Variants in RBFOX1 observed in about 807,000 individuals in gnomAD.
RBFOX1 encodes the protein RNA binding fox-1 homolog 1.
RBFOX1 carries 8 observed loss-of-function variants against 57.7 expected under a neutral mutation model. The ratio of observed to expected loss-of-function variants is 0.14; its 90% CI spans 0.08 to 0.25. The LOEUF is 0.25. RBFOX1 is among the 10% of genes least tolerant of loss of function. RBFOX1 has a pLI of 1.00. For missense variants in RBFOX1, 611 were observed against 548.5 expected, an observed-to-expected ratio of 1.11 and a Z score of -1.14; for synonymous variants, 326 against 222.4, an observed-to-expected ratio of 1.47 and a Z score of -4.15.
chr16:6,332,968 TCTTA>T (rs2083220078), intron 2 of RBFOX1, among the ~76,000 whole-genome samples: 1 of 152,226 alleles, frequency 6.6e-6, no homozygotes, highest in Non-Finnish European at 1.5e-5. Context: ...TTATTTAATA[TCTTA>T]CTGAGAGTTT....
intron 3 of RBFOX1, among the ~76,000 whole-genome samples, chr16:7,013,095 C>T (rs1442421191): frequency 2.6e-5 from 4 of 152,110 alleles, no homozygotes; most frequent in South Asian, 2.1e-4. Flanking sequence ...ATGTTATCTT[C>T]TCAAAAGTCC....
chr16:5,864,056 C>A (rs1305513965), intron 3 of RBFOX1, among the ~76,000 whole-genome samples: 5 of 152,168 alleles, frequency 3.3e-5, no homozygotes, highest in Admixed American at 3.3e-4. Flanking sequence ...CCTCCTTTCA[C>A]CTTCCACCCT....
chr16:5,920,409 C>T (rs543557321), intron 4 of RBFOX1, among the ~76,000 whole-genome samples: 51 of 152,138 alleles, frequency 3.4e-4, no homozygotes, highest in Non-Finnish European at 5.6e-4. Context: ...CTGCTCTTAG[C>T]GTTTGTGTAC....
At chr16:7,454,642 T>A (rs771150728) in intron 4 of RBFOX1, among the ~76,000 whole-genome samples, 21 of 152,184 alleles carry the variant, frequency 1.4e-4, no homozygotes, top group Non-Finnish European at 2.9e-4. Context: ...CAAGACTCTA[T>A]CTACAGGATA....
At chr16:6,651,598 A>C (rs1364730456) in intron 2 of RBFOX1, among the ~76,000 whole-genome samples, 1 of 152,196 alleles carries the variant, frequency 6.6e-6, no homozygotes, top group Non-Finnish European at 1.5e-5. Flanking sequence ...ACACTTGTGC[A>C]CTGTTAGTGG....
At position 7,282,069 on chromosome 16, in the gene RBFOX1, T is replaced by C. The variant is rs187104053; in HGVS notation, c.27+229971T>C. Among the ~76,000 whole-genome samples, 652 of 152,040 alleles carry C rather than the reference T, an allele frequency of 4.3e-3. 2 individuals are homozygous for C. The highest frequency in any genetic ancestry group is 0.015 in the African/African-American group (617 of 41,476). ...TTTTTTGTAGAGACAGGGTTTCTAT[T>C]TGTTGCCCAAGCTCAACTCCTGAGC... On this transcript the variant is annotated intron_variant, in intron 4 of 15. Coordinates refer to ENST00000550418, the MANE Select transcript of RBFOX1 (RefSeq NM_018723.4).
intron 2 of RBFOX1, among the ~76,000 whole-genome samples, chr16:5,477,577 C>T (rs2069374165): frequency 6.6e-6 from 1 of 152,170 alleles, no homozygotes; most frequent in Non-Finnish European, 1.5e-5. Flanking sequence ...TGGCATGGGA[C>T]AACTAATAGG....
At chr16:5,683,702 T>A (rs2050415754) in intron 3 of RBFOX1, among the ~76,000 whole-genome samples, 1 of 151,584 alleles carries the variant, frequency 6.6e-6, no homozygotes, top group Non-Finnish European at 1.5e-5. Flanking sequence ...GGTCTTGTGA[T>A]CATGTAAGTT....
intron 4 of RBFOX1, among the ~76,000 whole-genome samples, chr16:7,493,880 A>T (rs144563913): frequency 6.4e-4 from 97 of 152,352 alleles, no homozygotes; most frequent in Non-Finnish European, 1.1e-3. Flanking sequence ...CATTGTCATC[A>T]TCATTATCGT....
chr16:7,344,392 A>G lies in RBFOX1; in HGVS notation c.28-173755A>G, dbSNP rs547150155. Among the ~76,000 whole-genome samples the G allele has an allele frequency of 3.3e-5, 5 of 149,944 alleles. No individual in the cohort carries two copies. The South Asian group carries it at 8.3e-4, about 25-fold the overall frequency. Reference sequence around the variant, plus strand: ...TTGTATTATGCATTATTCATAAGATATAATGCAATATATATTTCAATAATA... The same window carrying G: ...TTGTATTATGCATTATTCATAAGATGTAATGCAATATATATTTCAATAATA... On this transcript the variant is annotated intron_variant, in intron 4 of 15. Transcript: ENST00000550418.
At chr16:6,941,369 C>G (rs1004612441) in intron 3 of RBFOX1, among the ~76,000 whole-genome samples, 6 of 139,460 alleles carry the variant, frequency 4.3e-5, no homozygotes, top group African/African-American at 1.6e-4. Context: ...TCTATGGCTT[C>G]CAGCAAGTAG....
intron 3 of RBFOX1, among the ~76,000 whole-genome samples, chr16:5,624,123 T>C (rs964101395): frequency 6.6e-6 from 1 of 152,166 alleles, no homozygotes; most frequent in African/African-American, 2.4e-5. Flanking sequence ...AAGGAGAACA[T>C]TTTAGGTCAC....
intron 3 of RBFOX1, among the ~76,000 whole-genome samples, chr16:7,015,835 A>G (rs573510670): frequency 2.6e-5 from 4 of 152,060 alleles, no homozygotes; most frequent in Non-Finnish European, 5.9e-5. Flanking sequence ...ATTATTCCAC[A>G]ATAAGCAATT....
intron 2 of RBFOX1, among the ~76,000 whole-genome samples, chr16:6,358,450 GAGAGGGCTTAA>G (rs2087789398): frequency 6.6e-6 from 1 of 152,212 alleles, no homozygotes; most frequent in Non-Finnish European, 1.5e-5. Flanking sequence ...AATTGTCATT[GAGAGGGCTTAA>G]ATTTTGTTTG....
chr16:6,784,891 A>C (rs2081660989), intron 3 of RBFOX1, among the ~76,000 whole-genome samples: 1 of 152,100 alleles, frequency 6.6e-6, no homozygotes, highest in African/African-American at 2.4e-5. Context: ...GGTCGGCTGG[A>C]GTTATTGTCA....
chr16:7,199,699 G>A (rs1184101851), intron 4 of RBFOX1, among the ~76,000 whole-genome samples: 1 of 152,116 alleles, frequency 6.6e-6, no homozygotes, highest in South Asian at 2.1e-4. Context: ...TTCAAGATCT[G>A]CCTTTGCCAA....
At chr16:5,670,542 C>A (rs568200254) in intron 3 of RBFOX1, among the ~76,000 whole-genome samples, 1 of 152,172 alleles carries the variant, frequency 6.6e-6, no homozygotes, top group Admixed American at 6.5e-5. Context: ...ATTTTCATTT[C>A]CAAGTTTCTG....
intron 1 of RBFOX1, among the ~76,000 whole-genome samples, chr16:5,449,940 T>G (rs2068370724): frequency 1.3e-5 from 2 of 152,162 alleles, no homozygotes; most frequent in Middle Eastern, 3.2e-3. Context: ...CCCTTCTAAT[T>G]TACTGAAGCT....
intron 3 of RBFOX1, among the ~76,000 whole-genome samples, chr16:5,842,554 A>T (rs922527790): frequency 6.6e-5 from 10 of 152,126 alleles, no homozygotes; most frequent in Admixed American, 2.0e-4. Flanking sequence ...TCATTTATCC[A>T]TTTTTAAACT....
Sources: allele counts gnomAD v4.1 joint callset (sites outside exome capture counted in the v4.1 genomes callset), GRCh38; gene constraint gnomAD v4.1.1; transcripts MANE v1.5; gene names NCBI Gene and HGNC (gene_info 2026-07-23, HGNC 2026-07-21).